SLFN12L: variants seen among roughly 807,000 people sequenced by gnomAD.
The protein encoded by SLFN12L is schlafen family member 12-like.
Under a neutral mutation model 34.8 loss-of-function variants are expected in SLFN12L, and 34 were observed. That is an observed-to-expected ratio of 0.98 (90% CI 0.74 to 1.30). The LOEUF is 1.30. SLFN12L is among the 50% of genes most tolerant of loss of function. The pLI is 0.00. For synonymous variants in SLFN12L, 259 were observed against 247.5 expected, an observed-to-expected ratio of 1.05 and a Z score of -0.44; for missense variants, 703 against 696.2, an observed-to-expected ratio of 1.01 and a Z score of -0.11.
intron 2 of SLFN12L, among the ~76,000 whole-genome samples, chr17:35,521,832 C>A (rs1272397993): frequency 6.6e-6 from 1 of 152,088 alleles, no homozygotes. Context: ...CATGATGGTG[C>A]CACTGTACTC....
intron 2 of SLFN12L, chr17:35,498,146 A>G: frequency 1.6e-6 from 1 of 616,520 alleles, no homozygotes; most frequent in South Asian, 1.9e-5. Flanking sequence ...AGCAGAGACG[A>G]CGGAGGCGGA....
At position 35,474,872 on chromosome 17, in the gene SLFN12L, A is replaced by G; in HGVS notation, c.*51T>C. The G allele has an allele frequency of 3.4e-6, 5 of 1,471,808 alleles. No homozygotes were observed. Among genetic ancestry groups the G allele is most frequent in the African/African-American group, 1.4e-5 (1 of 70,826 alleles). The allele number at this position is 1,471,808 out of a possible 1,614,324, so 91.2% of individuals were successfully genotyped here. A position where few individuals can be genotyped will look rare whatever the true frequency, so the allele number is the denominator to read the frequency against. Reference sequence around the variant, plus strand: ...CTTGAACCCAGGAGGCAGAGGTTGCAGTGAGTCGAGATCGTGTCACTACAC... The same window carrying G: ...CTTGAACCCAGGAGGCAGAGGTTGCGGTGAGTCGAGATCGTGTCACTACAC... On this transcript the variant is annotated 3_prime_UTR_variant, in exon 5 of 5. Transcript: ENST00000628453.
chr17:35,530,417 GGAAGGAAGGA>G lies in SLFN12L; in HGVS notation c.-606+7146_-606+7155del, dbSNP rs1567693608. Among the ~76,000 whole-genome samples, 161 of 12,926 alleles carry G rather than the reference GGAAGGAAGGA, an allele frequency of 0.012. 26 individuals carry two copies. In the East Asian group the frequency reaches 0.15, roughly 12 times the overall value. 8.5% of individuals were successfully genotyped at this position (12,926 alleles called of 152,430 possible). ...AGGAAGGAAGGAAGGAAGGAAGGAA[GGAAGGAAGGA>G]AGGGAAGGGAAGGGAAGAAAGAAAG... On this transcript the variant is annotated intron_variant, in intron 1 of 4. Transcript: ENST00000628453.
rs1447063496 is a variant in SLFN12L, at chr17:35,479,183, T to C, written c.1099A>G (p.Lys367Glu). 1 of 1,578,156 alleles carries C rather than the reference T, an allele frequency of 6.3e-7. No individual in the cohort carries two copies. Among genetic ancestry groups the C allele is most frequent in the Admixed American group, 1.8e-5 (1 of 54,638 alleles). Reference protein sequence around the residue: ...FAKKPDSWHVKDNRVKQLTEK... With the variant: ...FAKKPDSWHVEDNRVKQLTEK... The stretch of plus-strand genomic sequence containing the variant: ...GTCAACTGCTTAACTCTGTTATCTT[T>C]CACGTGCCAGGAATCAGGCTTTTTA... The change falls in exon 3 of 5, where the codon AAA (lysine) becomes GAA (glutamate). Residue 367 changes from lysine (K) to glutamate (E), a missense_variant. Coordinates refer to ENST00000628453, the MANE Select transcript of SLFN12L (RefSeq NM_001363830.2).
At chr17:35,506,873 C>A (rs1915479134) in intron 2 of SLFN12L, among the ~76,000 whole-genome samples, 1 of 152,178 alleles carries the variant, frequency 6.6e-6, no homozygotes, top group Non-Finnish European at 1.5e-5. Context: ...TACTGTATAG[C>A]AAGAGTGGGG....
At chr17:35,478,882 C>T (rs1203564144) in intron 3 of SLFN12L, among the ~76,000 whole-genome samples, 2 of 152,142 alleles carry the variant, frequency 1.3e-5, no homozygotes, top group African/African-American at 2.4e-5. Context: ...AGAGAAGAAA[C>T]ATCTAGAATC....
In SLFN12L at chr17:35,472,817, C is replaced by A. The variant is rs1447643026; in HGVS notation, c.*2106G>T. On this transcript the variant is annotated 3_prime_UTR_variant, in exon 5 of 5. Coordinates refer to ENST00000628453, the MANE Select transcript of SLFN12L (RefSeq NM_001363830.2). ...GTTTTTCCATTTGTTTGTGTCTTCTCTTGTTTCCTTGAGCAGTGGTTTGTA... is the reference window on the plus strand; with the variant it reads ...GTTTTTCCATTTGTTTGTGTCTTCTATTGTTTCCTTGAGCAGTGGTTTGTA... 1.3e-5 allele frequency among the ~76,000 whole-genome samples: 2 copies of A among 152,140 alleles called. No homozygotes were observed. The highest frequency in any genetic ancestry group is 4.8e-5 in the African/African-American group (2 of 41,414).
At chr17:35,487,754 C>T in intron 2 of SLFN12L, 2 of 1,536,092 alleles carry the variant, frequency 1.3e-6, no homozygotes. Context: ...GCGCACTCTT[C>T]ACCAAGTAGG....
chr17:35,512,280 G>A (rs1453830436), intron 2 of SLFN12L, among the ~76,000 whole-genome samples: 1 of 143,474 alleles, frequency 7.0e-6, no homozygotes, highest in African/African-American at 2.6e-5. Flanking sequence ...TCAGGGACTT[G>A]GTTCTATCAC....
Position 35,468,750 on chromosome 17 carries a change from T to A in SLFN12L, c.*6173A>T. ...AGAATTAATGGAGGGCCAAGCACAG[T>A]GACTCATGCCTATAATTCCAGCACT... On this transcript the variant is annotated 3_prime_UTR_variant, in exon 5 of 5. Coordinates refer to ENST00000628453, the MANE Select transcript of SLFN12L (RefSeq NM_001363830.2). 6.6e-6 allele frequency among the ~76,000 whole-genome samples: 1 copy of A among 152,176 alleles called. No individual in the cohort carries two copies. The highest frequency in any genetic ancestry group is 1.9e-4 in the East Asian group (1 of 5,198).
chr17:35,480,064 A>G lies in SLFN12L; in HGVS notation c.218T>C (p.Met73Thr). Residue 73 changes from methionine to threonine, a missense_variant, in exon 3 of 5, where the codon ATG (methionine) becomes ACG (threonine). Met to Thr is a moderately conservative substitution (Grantham distance 81). Transcript: ENST00000628453. The part of the protein sequence containing the change: ...VTLGENNRKK[M>T]KDCQLRKQQN... ...CTGTTTTCTCAGTTGACAATCCTTC[A>G]TTTTTTTTCTATTGTTCTCTCCAAG... 1 of 1,613,766 alleles carries G rather than the reference A, an allele frequency of 6.2e-7. No homozygotes were observed. The highest frequency in any genetic ancestry group is 8.5e-7 in the Non-Finnish European group (1 of 1,179,932).
chr17:35,511,287 C>A (rs143977607), intron 2 of SLFN12L, among the ~76,000 whole-genome samples: 59 of 152,252 alleles, frequency 3.9e-4, no homozygotes, highest in African/African-American at 1.3e-3. Flanking sequence ...CTCATAATCT[C>A]TTCTGCAATA....
At chr17:35,487,500 G>T (rs1256712018) in intron 2 of SLFN12L, among the ~76,000 whole-genome samples, 1 of 147,814 alleles carries the variant, frequency 6.8e-6, no homozygotes, top group African/African-American at 2.5e-5. Context: ...AATAAGAAAC[G>T]GAGGCTGGAA....
intron 3 of SLFN12L, among the ~76,000 whole-genome samples, chr17:35,478,755 C>T (rs55668225): frequency 0.2 from 29,786 of 151,992 alleles, 3,301 homozygotes; most frequent in Middle Eastern, 0.31. Context: ...AAAGAGCAAG[C>T]AAGTAAAAGA....
intron 2 of SLFN12L, among the ~76,000 whole-genome samples, chr17:35,494,892 T>C (rs758925900): frequency 1.0e-5 from 1 of 99,828 alleles, no homozygotes; most frequent in Admixed American, 9.4e-5. Flanking sequence ...TTATTTATTT[T>C]ATTTATTTAT....
chr17:35,490,698 T>C, intron 2 of SLFN12L: 1 of 1,248,980 alleles, frequency 8.0e-7, no homozygotes, highest in Non-Finnish European at 1.2e-6. Flanking sequence ...ATTCAGATCG[T>C]CAAAGGTTAG....
Position 35,480,014 on chromosome 17 carries a change from C to T in SLFN12L, c.268G>A (p.Val90Met). The T allele has an allele frequency of 1.2e-6, 2 of 1,614,200 alleles. No individual in the cohort carries two copies. The highest frequency in any genetic ancestry group is 1.7e-6 in the Non-Finnish European group (2 of 1,180,026). Reference protein sequence around the residue: ...KQQNENVSRAVCALLNSGGGV... With the variant: ...KQQNENVSRAMCALLNSGGGV... ...CCTCCAGAATTCAGCAGAGCACACA[C>T]AGCTCGTGAGACATTTTCATTCTGC... is the stretch of plus-strand genomic sequence containing the variant. Residue 90 changes from valine to methionine, a missense_variant, in exon 3 of 5, where the codon GTG becomes ATG. Val to Met is a conservative substitution (Grantham distance 21, BLOSUM62 1). Coordinates refer to ENST00000628453, the MANE Select transcript of SLFN12L (RefSeq NM_001363830.2).
At chr17:35,498,857 C>A in intron 2 of SLFN12L, 1 of 723,816 alleles carries the variant, frequency 1.4e-6, no homozygotes, top group East Asian at 2.6e-5. Flanking sequence ...CAAGTGGCAG[C>A]TCCTCCCGCA....
At chr17:35,475,601 T>A in intron 4 of SLFN12L, 116 bp from the exon 5 acceptor site, 1 of 1,421,616 alleles carries the variant, frequency 7.0e-7, no homozygotes, top group Non-Finnish European at 9.2e-7. Context: ...ATAAAAGCTA[T>A]GTAAAAGTGT....
Sources: gnomAD v4.1 joint callset for allele counts (sites outside exome capture counted in the v4.1 genomes callset) on GRCh38, gnomAD v4.1.1 for gene constraint, MANE v1.5 for transcripts, NCBI Gene and HGNC (gene_info 2026-07-23, HGNC 2026-07-21) for gene names.